The following USP48 variants were observed in gnomAD, a reference collection of about 807,000 sequenced individuals.
The protein encoded by USP48 is ubiquitin carboxyl-terminal hydrolase 48.
Under a neutral mutation model 150.7 loss-of-function variants are expected in USP48, and 43 were observed. That is an observed-to-expected ratio of 0.29 (90% confidence interval 0.22 to 0.37). The LOEUF (loss-of-function observed/expected upper bound fraction) is 0.37, where lower values mean the gene tolerates loss of function less well. Ranked by LOEUF, USP48 falls within the 10% of genes least tolerant of loss-of-function variation. The pLI is 1.00. For synonymous variants in USP48, 396 were observed against 425.9 expected, an observed-to-expected ratio of 0.93 and a Z score of 0.86; for missense variants, 813 against 1,249.6, an observed-to-expected ratio of 0.65 and a Z score of 5.27.
intron 14 of USP48, among the ~76,000 whole-genome samples, chr1:21,717,780 C>T (rs557001591): frequency 6.6e-6 from 1 of 152,040 alleles, no homozygotes; most frequent in Non-Finnish European, 1.5e-5. Context: ...ATGGCAAAAA[C>T]CTCTCTCTGC....
At chr1:21,724,181 C>T (rs1442494254) in intron 11 of USP48, 86 bp from the exon 12 acceptor site, 1 of 1,309,788 alleles carries the variant, frequency 7.6e-7, no homozygotes, top group South Asian at 1.2e-5. Flanking sequence ...AAAGACAATG[C>T]AAACTCTGTC....
chr1:21,729,362 T>C (rs487529), intron 10 of USP48, among the ~76,000 whole-genome samples: 11,593 of 152,070 alleles, frequency 0.076, 497 homozygotes, highest in Middle Eastern at 0.11. Flanking sequence ...ACTCAGACTG[T>C]CTTCAGGGCA....
At chr1:21,687,593 G>A (rs2097583321) in intron 24 of USP48, among the ~76,000 whole-genome samples, 1 of 152,184 alleles carries the variant, frequency 6.6e-6, no homozygotes, top group Non-Finnish European at 1.5e-5. Context: ...GTGGCAGTGA[G>A]GGGTACAAAT....
At chr1:21,683,892 TG>T (rs1404526622) in intron 25 of USP48, among the ~76,000 whole-genome samples, 1 of 152,202 alleles carries the variant, frequency 6.6e-6, no homozygotes, top group African/African-American at 2.4e-5. Flanking sequence ...ATTGTCTTTC[TG>T]AGCCTGGCTT....
chr1:21,742,668 G>C (rs2097784960), intron 8 of USP48, among the ~76,000 whole-genome samples: 1 of 152,176 alleles, frequency 6.6e-6, no homozygotes, highest in South Asian at 2.1e-4. Flanking sequence ...AGATGTGATG[G>C]TCTTAGATTG....
intron 25 of USP48, among the ~76,000 whole-genome samples, chr1:21,681,621 T>G (rs2097566166): frequency 6.6e-6 from 1 of 152,158 alleles, no homozygotes; most frequent in South Asian, 2.1e-4. Context: ...CAAACAGCTG[T>G]TTTACCACTT....
intron 22 of USP48, among the ~76,000 whole-genome samples, chr1:21,698,768 G>A (rs1195037304): frequency 2.6e-5 from 4 of 151,946 alleles, no homozygotes; most frequent in African/African-American, 7.2e-5. Context: ...GGTGGCGGGC[G>A]CCTGTAGTCC....
chr1:21,782,683 G>A (rs2097917442), intron 1 of USP48, 141 bp downstream of exon 1: 1 of 1,307,430 alleles, frequency 7.6e-7, no homozygotes. Context: ...CGCAGACGGC[G>A]CAAAGGGGGA....
At chr1:21,702,030 T>A (rs1400766068) in intron 21 of USP48, among the ~76,000 whole-genome samples, 1 of 152,146 alleles carries the variant, frequency 6.6e-6, no homozygotes, top group African/African-American at 2.4e-5. Flanking sequence ...GAAGAAGCGC[T>A]CTCTTGCAAA....
At position 21,695,162 on chromosome 1, in the gene USP48, C is replaced by T. The variant is rs766799658; in HGVS notation, c.2787G>A (p.Lys929=). The change falls in exon 23 of 27, where the codon AAG becomes AAA. Residue 929 remains lysine (K), a synonymous_variant. Coordinates refer to ENST00000308271, the MANE Select transcript of USP48 (RefSeq NM_032236.8). ...ISHQNYIAYQ[K]QVIRRSMRHR... is the part of the protein sequence containing the mutation. ...GTCGCATACTTCGGCGAATAACTTG[C>T]TTTTGATAGGCTATATAATTTTGAT... The T allele has an allele frequency of 4.3e-6, 7 of 1,613,470 alleles. No homozygotes were observed. The highest frequency in any genetic ancestry group is 1.1e-5 in the South Asian group (1 of 90,990).
At chr1:21,777,902 C>T (rs927751564) in intron 1 of USP48, among the ~76,000 whole-genome samples, 2 of 148,292 alleles carry the variant, frequency 1.3e-5, no homozygotes, top group Admixed American at 6.8e-5. Flanking sequence ...CTGAGGTGGG[C>T]GTATCACAAG....
intron 8 of USP48, among the ~76,000 whole-genome samples, chr1:21,741,756 G>A (rs115344172): frequency 2.0e-5 from 3 of 152,152 alleles, no homozygotes; most frequent in Non-Finnish European, 4.4e-5. Flanking sequence ...CAAGAGGACT[G>A]CTTAAGGCCG....
chr1:21,720,625 T>C (rs1490908110), intron 14 of USP48, among the ~76,000 whole-genome samples: 2 of 151,934 alleles, frequency 1.3e-5, no homozygotes, highest in Non-Finnish European at 2.9e-5. Flanking sequence ...ACTCCTGGGT[T>C]CAATCGATTC....
chr1:21,730,802 G>A (rs1166653817), intron 9 of USP48, among the ~76,000 whole-genome samples: 1 of 150,856 alleles, frequency 6.6e-6, no homozygotes, highest in Non-Finnish European at 1.5e-5. Context: ...TGCTCTGTCG[G>A]CAGGCTAGAG....
intron 1 of USP48, among the ~76,000 whole-genome samples, chr1:21,765,332 C>G (rs920547063): frequency 6.6e-6 from 1 of 152,064 alleles, no homozygotes; most frequent in Admixed American, 6.6e-5. Context: ...CAGGACAGAC[C>G]GGGCGGGGTG....
chr1:21,737,047 T>C (rs2097770295), intron 8 of USP48, among the ~76,000 whole-genome samples: 1 of 152,212 alleles, frequency 6.6e-6, no homozygotes, highest in South Asian at 2.1e-4. Flanking sequence ...GAAAAGGCTA[T>C]TGTTTATAGA....
At chr1:21,699,680 AT>A (rs1024798255) in intron 22 of USP48, among the ~76,000 whole-genome samples, 59 of 150,266 alleles carry the variant, frequency 3.9e-4, no homozygotes, top group African/African-American at 1.3e-3. Context: ...CGCCCGGCTA[AT>A]TTTTTTTGTA....
intron 14 of USP48, among the ~76,000 whole-genome samples, chr1:21,718,376 C>T (rs2097710550): frequency 6.6e-6 from 1 of 152,164 alleles, no homozygotes; most frequent in Non-Finnish European, 1.5e-5. Context: ...CTTTGAAGTT[C>T]TACTTTGTCA....
At chr1:21,720,096 G>A (rs188768436) in intron 14 of USP48, among the ~76,000 whole-genome samples, 106 of 152,238 alleles carry the variant, frequency 7.0e-4, no homozygotes, top group African/African-American at 2.2e-3. Context: ...GAAAGCATAG[G>A]AAACTCAGAG....
Sources: gnomAD v4.1 joint callset for allele counts (sites outside exome capture counted in the v4.1 genomes callset) on GRCh38, gnomAD v4.1.1 for gene constraint, MANE v1.5 for transcripts, NCBI Gene and HGNC (gene_info 2026-07-23, HGNC 2026-07-21) for gene names.